CCDC174: variants seen among roughly 807,000 people sequenced by gnomAD.
CCDC174 encodes coiled-coil domain-containing protein 174.
CCDC174 carries 37 observed loss-of-function variants against 57.1 expected under a neutral mutation model. The ratio of observed to expected loss-of-function variants is 0.65; its 90% CI spans 0.50 to 0.85. The LOEUF is 0.85. Ranked by LOEUF, CCDC174 falls within the 40% of genes least tolerant of loss-of-function variation. The probability of loss-of-function intolerance (pLI) is 0.00; values close to 1 mark genes in which losing one functional copy is unlikely to be tolerated. For synonymous variants in CCDC174, 182 were observed against 190.2 expected (o/e 0.96, Z 0.35); for missense variants, 540 against 574.3 (o/e 0.94, Z 0.61).
chr3:14,658,345 C>T (rs1366078657), intron 3 of CCDC174, among the ~76,000 whole-genome samples: 1 of 152,248 alleles, frequency 6.6e-6, no homozygotes, highest in East Asian at 1.9e-4. Flanking sequence ...CACAAGAGAA[C>T]TCGCAGATCA....
chr3:14,655,994 A>G (rs187895056), intron 3 of CCDC174, among the ~76,000 whole-genome samples: 301 of 152,286 alleles, frequency 2.0e-3, no homozygotes, highest in Middle Eastern at 6.8e-3. Context: ...GGTACATAGA[A>G]CATTCTAATA....
At chr3:14,670,568 TTG>T (rs1195670163) in intron 10 of CCDC174, among the ~76,000 whole-genome samples, 1 of 152,224 alleles carries the variant, frequency 6.6e-6, no homozygotes, top group Non-Finnish European at 1.5e-5. Context: ...CAGTTCCCTT[TTG>T]TGTCTTCCAA....
In CCDC174 at chr3:14,658,074, G is replaced by A. The variant is rs191546139; in HGVS notation, c.249-797G>A. Among the ~76,000 whole-genome samples the A allele has an allele frequency of 3.3e-5, 5 of 152,342 alleles. No individual in the cohort carries two copies. In the East Asian group the frequency reaches 9.6e-4, roughly 29 times the overall value. ...CATGCACTGCATTACTGCATGTCAA[G>A]GGGCCTCTCTGCTGGCATGCGTTTC... On this transcript the variant is annotated intron_variant, in intron 3 of 10. Coordinates refer to ENST00000383794, the MANE Select transcript of CCDC174 (RefSeq NM_016474.5).
At position 14,670,059 on chromosome 3, in the gene CCDC174, C is replaced by T. The variant is rs762607160; in HGVS notation, c.1078C>T (p.His360Tyr). 1.2e-6 allele frequency: 2 copies of T among 1,611,654 alleles called. No homozygotes were observed. The highest frequency in any genetic ancestry group is 2.2e-5 in the South Asian group (2 of 90,606). Residue 360 changes from histidine (H) to tyrosine (Y), a missense_variant, in exon 10 of 11, where the codon CAC (histidine) becomes TAC (tyrosine). Coordinates refer to ENST00000383794, the MANE Select transcript of CCDC174 (RefSeq NM_016474.5). ...ERKDTKPGVP[H>Y]IREWDRGKEF... ...GAAGGACACCAAGCCTGGAGTGCCA[C>T]ACATCCGGGAGTGGGACCGCGGAAA...
intron 1 of CCDC174, among the ~76,000 whole-genome samples, chr3:14,653,494 AT>A (rs1389773158): frequency 3.3e-5 from 5 of 152,186 alleles, no homozygotes; most frequent in African/African-American, 9.7e-5. Flanking sequence ...AAATAAAGTG[AT>A]TTTTTTAAGT....
chr3:14,658,852 T>A lies in CCDC174; in HGVS notation c.249-19T>A, dbSNP rs776248032. ...CAGTTATAAGACCATTTCTAATACT[T>A]GTATTTTTTTTCTCCTAGGGAAAAA... On this transcript the variant is annotated intron_variant, in intron 3 of 10. Transcript: ENST00000383794. 7 of 1,541,912 alleles carry A rather than the reference T, an allele frequency of 4.5e-6. 1 individual carries two copies. The South Asian group carries it at 7.8e-5, about 17-fold the overall frequency.
chr3:14,657,592 A>T (rs2030998409), intron 3 of CCDC174, among the ~76,000 whole-genome samples: 1 of 152,184 alleles, frequency 6.6e-6, no homozygotes, highest in Non-Finnish European at 1.5e-5. Context: ...CTAACCCCTG[A>T]AAACTGTTGC....
At chr3:14,661,778 T>C (rs2031148505) in intron 5 of CCDC174, 71 bp downstream of exon 5, 5 of 1,412,812 alleles carry the variant, frequency 3.5e-6, no homozygotes, top group African/African-American at 1.4e-5. Context: ...AGTGATTTTG[T>C]TGGGTTGTTA....
chr3:14,670,391 T>C (rs1272934904), intron 10 of CCDC174, among the ~76,000 whole-genome samples: 2 of 152,190 alleles, frequency 1.3e-5, no homozygotes, highest in African/African-American at 4.8e-5. Flanking sequence ...TTCTCCAGAG[T>C]GTCCACAGCA....
At chr3:14,654,631 T>C (rs1015903482) in intron 2 of CCDC174, 101 bp downstream of exon 2, 1 of 566,178 alleles carries the variant, frequency 1.8e-6, no homozygotes, top group Non-Finnish European at 3.1e-6. Context: ...TACACATAAA[T>C]GTTAAGGAAA....
At chr3:14,664,687 G>C (rs1256864966) in intron 5 of CCDC174, among the ~76,000 whole-genome samples, 1 of 152,210 alleles carries the variant, frequency 6.6e-6, no homozygotes, top group African/African-American at 2.4e-5. Context: ...AAGTTATTAA[G>C]ATACTGATAA....
Position 14,666,874 on chromosome 3 carries a change from A to G in CCDC174, c.651A>G (p.Gln217=), listed in dbSNP as rs2031359504. Residue 217 remains glutamine (Q), a synonymous_variant, in exon 7 of 11, where the codon CAA becomes CAG. Transcript: ENST00000383794. ...TGAGAAAAGAACTTCAGCGCCAGCA[A>G]TGGGAGGAAGAAGAAAGAGAGGCCC... The part of the protein sequence containing the change: ...EDMRKELQRQ[Q]WEEEEREALK... The G allele has an allele frequency of 6.2e-7, 1 of 1,607,208 alleles. No individual in the cohort carries two copies. The highest frequency in any genetic ancestry group is 1.1e-5 in the South Asian group (1 of 89,630).
At chr3:14,667,120 G>A (rs1365051426) in intron 7 of CCDC174, 173 bp downstream of exon 7, 1 of 650,326 alleles carries the variant, frequency 1.5e-6, no homozygotes, top group African/African-American at 1.8e-5. Flanking sequence ...ACTCACATTT[G>A]GGAATATCTT....
At chr3:14,662,915 A>G (rs1306305858) in intron 5 of CCDC174, among the ~76,000 whole-genome samples, 1 of 152,220 alleles carries the variant, frequency 6.6e-6, no homozygotes, top group Admixed American at 6.5e-5. Context: ...CTTTTTACCT[A>G]CTGTCTTAAA....
intron 4 of CCDC174, among the ~76,000 whole-genome samples, chr3:14,660,085 G>A (rs573084256): frequency 6.6e-6 from 1 of 152,364 alleles, no homozygotes; most frequent in Admixed American, 6.5e-5. Context: ...TAGGTACTGT[G>A]GGAGAGGTTT....
chr3:14,651,961 T>C, intron 1 of CCDC174, 83 bp downstream of exon 1: 1 of 1,389,938 alleles, frequency 7.2e-7, no homozygotes, highest in African/African-American at 1.4e-5. Context: ...AGCTTGTTTC[T>C]TCACTCGGGG....
At chr3:14,652,022 T>A in intron 1 of CCDC174, 144 bp downstream of exon 1, 1 of 827,976 alleles carries the variant, frequency 1.2e-6, no homozygotes, top group Non-Finnish European at 2.0e-6. Context: ...AACTGGATTT[T>A]CTTCTCCGGC....
At chr3:14,667,552 A>C (rs200797278) in intron 8 of CCDC174, 34 bp downstream of exon 8, 1 of 1,518,920 alleles carries the variant, frequency 6.6e-7, no homozygotes, top group South Asian at 1.1e-5. Flanking sequence ...GTGAGGAAAG[A>C]TGTGAGCGCT....
intron 1 of CCDC174, among the ~76,000 whole-genome samples, chr3:14,653,231 TA>T (rs1168233884): frequency 6.6e-6 from 1 of 152,226 alleles, no homozygotes; most frequent in African/African-American, 2.4e-5. Flanking sequence ...ATAAGAATGC[TA>T]TTTGAGAATT....
Sources: allele counts gnomAD v4.1 joint callset (sites outside exome capture counted in the v4.1 genomes callset), GRCh38; gene constraint gnomAD v4.1.1; transcripts MANE v1.5; gene names NCBI Gene and HGNC (gene_info 2026-07-23, HGNC 2026-07-21).